The following GET3 variants were observed in gnomAD, a reference collection of about 807,000 sequenced individuals.
GET3 encodes ATPase GET3.
A neutral mutation model predicts 32.4 loss-of-function variants in GET3; 15 were observed. The observed-to-expected ratio is 0.46, with a 90% CI of 0.31 to 0.71. The LOEUF is 0.71. Among genes scored for constraint, GET3 ranks in the 30% least tolerant of loss-of-function variants. The pLI is 0.05. For missense variants in GET3, 333 were observed against 459.0 expected (o/e 0.73, Z 2.51); for synonymous variants, 198 against 185.6 (o/e 1.07, Z -0.54).
Position 12,747,337 on chromosome 19 carries a change from C to G in GET3, c.717+33C>G, listed in dbSNP as rs200739909. ...GTGGTCTGGCTGGCGGTGAGAGGCCCGGGGGCTGAGGACAGGGGCAGACCC... is the reference window on the plus strand; with the variant it reads ...GTGGTCTGGCTGGCGGTGAGAGGCCGGGGGGCTGAGGACAGGGGCAGACCC... On this transcript the variant is annotated intron_variant, in intron 5 of 6. Coordinates refer to ENST00000357332, the MANE Select transcript of GET3 (RefSeq NM_004317.4). This position sits in a 1 kb window ranked among gnomAD's most constrained non-coding sequence, Gnocchi z 4.0. The G allele has an allele frequency of 3.1e-6, 5 of 1,610,244 alleles. No homozygotes were observed. Among genetic ancestry groups the G allele is most frequent in the Non-Finnish European group, 4.2e-6 (5 of 1,177,098 alleles).
chr19:12,741,789 G>A (rs1568348454), intron 2 of GET3, among the ~76,000 whole-genome samples: 1 of 150,934 alleles, frequency 6.6e-6, no homozygotes, highest in African/African-American at 2.4e-5. Context: ...GCCTGGTGGT[G>A]GGCGCCTGTA....
intron 2 of GET3, among the ~76,000 whole-genome samples, chr19:12,744,415 G>A (rs1967732464): frequency 6.6e-6 from 1 of 150,984 alleles, no homozygotes; most frequent in African/African-American, 2.4e-5. Context: ...TGCCTCCCGG[G>A]TTCAAGCGAT....
chr19:12,748,037 G>C lies in GET3; in HGVS notation c.980G>C (p.Gly327Ala). Reference protein sequence around the residue: ...KLPLLPHEVRGADKVNTFSAL... With the variant: ...KLPLLPHEVRAADKVNTFSAL... ...CCGCTGTTACCCCATGAGGTGCGGG[G>C]GGCAGACAAGGTCAACACCTTCTCG... Residue 327 changes from glycine to alanine, a missense_variant, in exon 7 of 7, where the codon GGG becomes GCG. Gly to Ala is a moderately conservative substitution (Grantham distance 60). This residue lies in a region of GET3 where 39 missense variants were observed against 33.0 expected (regional missense o/e 1.18). Transcript: ENST00000357332. 1 of 1,612,230 alleles carries C rather than the reference G, an allele frequency of 6.2e-7. No homozygotes were observed. Among genetic ancestry groups the C allele is most frequent in the Non-Finnish European group, 8.5e-7 (1 of 1,178,736 alleles).
chr19:12,741,707 C>T (rs903461569), intron 2 of GET3, among the ~76,000 whole-genome samples: 5 of 151,370 alleles, frequency 3.3e-5, no homozygotes, highest in Non-Finnish European at 7.4e-5. Context: ...TGCAGTGAGC[C>T]GAGATCATGC....
rs758938561 is a variant in GET3, at chr19:12,745,651, G to C, written c.501G>C (p.Thr167=). ...GMNFSVVVFD[T]APTGHTLRLL... is the part of the protein sequence containing the mutation. The stretch of plus-strand genomic sequence containing the variant: ...ACTTCTCGGTGGTGGTATTTGACAC[G>C]GCACCCACGGGCCACACCCTGAGGC... Residue 167 remains threonine, a synonymous_variant, in exon 4 of 7, where the codon ACG becomes ACC. Coordinates refer to ENST00000357332, the MANE Select transcript of GET3 (RefSeq NM_004317.4). The surrounding 1 kb of genome is among the most constrained non-coding windows in gnomAD (Gnocchi z 5.0). 6.2e-7 allele frequency: 1 copy of C among 1,602,150 alleles called. No homozygotes were observed. The highest frequency in any genetic ancestry group is 8.5e-7 in the Non-Finnish European group (1 of 1,176,006).
In GET3 at chr19:12,747,457, G is replaced by C; in HGVS notation, c.780G>C (p.Arg260Ser). 1 of 1,614,038 alleles carries C rather than the reference G, an allele frequency of 6.2e-7. No individual in the cohort carries two copies. The highest frequency in any genetic ancestry group is 8.5e-7 in the Non-Finnish European group (1 of 1,180,012). Residue 260 changes from arginine (R) to serine (S), a missense_variant, in exon 6 of 7, where the codon AGG (arginine) becomes AGC (serine). This residue lies in a region of GET3 where 230 missense variants were observed against 389.2 expected (regional missense o/e 0.59). Transcript: ENST00000357332. The surrounding 1 kb of genome is among the most constrained non-coding windows in gnomAD (Gnocchi z 4.0). ...TCCTGTCCCTGTATGAGACAGAGAG[G>C]CTGATCCAGGAGCTGGCCAAGTGCA... The part of the protein sequence containing the change: ...AEFLSLYETE[R>S]LIQELAKCKI...
In GET3 at chr19:12,737,498, G is replaced by C. The variant is rs773942668; in HGVS notation, c.-8G>C. The C allele has an allele frequency of 7.8e-6, 12 of 1,535,392 alleles. No homozygotes were observed. The highest frequency in any genetic ancestry group is 1.1e-5 in the Non-Finnish European group (12 of 1,142,656). On this transcript the variant is annotated 5_prime_UTR_variant, in exon 1 of 7. Transcript: ENST00000357332. ...GCGCTCCGCTGGATCACGTGAGCCA[G>C]TTCCAAAATGGCGGCAGGGGTGGCC...
intron 2 of GET3, among the ~76,000 whole-genome samples, chr19:12,741,189 G>A (rs549782351): frequency 2.6e-5 from 4 of 152,340 alleles, no homozygotes. Flanking sequence ...GGGCATGGTG[G>A]CTCACGCCTG....
intron 2 of GET3, among the ~76,000 whole-genome samples, chr19:12,743,680 C>T (rs1429002263): frequency 2.1e-5 from 3 of 145,786 alleles, no homozygotes; most frequent in Non-Finnish European, 3.0e-5. Flanking sequence ...GTCCCAGCTA[C>T]TCACTGCACT....
intron 1 of GET3, among the ~76,000 whole-genome samples, chr19:12,737,912 G>C (rs1051196705): frequency 6.6e-6 from 1 of 152,156 alleles, no homozygotes; most frequent in Non-Finnish European, 1.5e-5. Flanking sequence ...CCCGGGGGAC[G>C]GGGAAGCACT....
Position 12,747,920 on chromosome 19 carries a change from C to A in GET3, c.916-53C>A. 1 of 1,520,148 alleles carries A rather than the reference C, an allele frequency of 6.6e-7. No individual in the cohort carries two copies. The highest frequency in any genetic ancestry group is 8.9e-7 in the Non-Finnish European group (1 of 1,121,612). 94.2% of individuals were successfully genotyped at this position (1,520,148 alleles called of 1,614,324 possible). A position where few individuals can be genotyped will look rare whatever the true frequency, so the allele number is the denominator to read the frequency against. The stretch of plus-strand genomic sequence containing the variant: ...CCGCTTCTATTGATCCACACTCTGT[C>A]TCTGCCTTCCTGCCCCCTGACCACT... On this transcript the variant is annotated intron_variant, in intron 6 of 6. Coordinates refer to ENST00000357332, the MANE Select transcript of GET3 (RefSeq NM_004317.4). The surrounding 1 kb of genome is among the most constrained non-coding windows in gnomAD (Gnocchi z 4.0).
In GET3 at chr19:12,745,769, G is replaced by T; in HGVS notation, c.609+10G>T. The T allele has an allele frequency of 1.3e-6, 2 of 1,597,078 alleles. No homozygotes were observed. The highest frequency in any genetic ancestry group is 1.7e-6 in the Non-Finnish European group (2 of 1,172,816). ...CCCTTTCATCTCACAGGCAGGCGGC[G>T]GGGGCCCCCACCTGCACCATCCAGG... On this transcript the variant is annotated intron_variant, in intron 4 of 6. Transcript: ENST00000357332. The surrounding 1 kb of genome is among the most constrained non-coding windows in gnomAD (Gnocchi z 5.0).
chr19:12,742,010 A>G (rs924854073), intron 2 of GET3, among the ~76,000 whole-genome samples: 5 of 152,244 alleles, frequency 3.3e-5, no homozygotes, highest in African/African-American at 1.2e-4. Context: ...CATACCTATC[A>G]TTTCAGTGCT....
rs1413391989 is a variant in GET3, at chr19:12,747,683, C to G, written c.915+91C>G. ...GCTCCACCATCTGGCCCTCTGCCCT[C>G]TAGCCTCCTGCCCTTTGCCCCCACA... On this transcript the variant is annotated intron_variant, in intron 6 of 6. Transcript: ENST00000357332. The surrounding 1 kb of genome is among the most constrained non-coding windows in gnomAD (Gnocchi z 4.0). The G allele has an allele frequency of 7.0e-7, 1 of 1,437,948 alleles. No homozygotes were observed. The highest frequency in any genetic ancestry group is 9.4e-7 in the Non-Finnish European group (1 of 1,062,070). The allele number at this position is 1,437,948 out of a possible 1,614,324, so 89.1% of individuals were successfully genotyped here.
Position 12,747,389 on chromosome 19 carries a change from C to G in GET3, c.718-6C>G. The stretch of plus-strand genomic sequence containing the variant: ...GCCCCTCACTGTCCTCTCTCGTGCC[C>G]TGTAGGAGCAGACAACTTTCATCTG... On this transcript the variant is annotated splice_polypyrimidine_tract_variant and splice_region_variant and intron_variant, in intron 5 of 6. Transcript: ENST00000357332. This position sits in a 1 kb window ranked among gnomAD's most constrained non-coding sequence, Gnocchi z 4.0. 6.2e-7 allele frequency: 1 copy of G among 1,614,176 alleles called. No homozygotes were observed. Among genetic ancestry groups the G allele is most frequent in the Non-Finnish European group, 8.5e-7 (1 of 1,180,004 alleles).
Position 12,748,186 on chromosome 19 carries a change from TCC to T in GET3, c.*88_*89del. 7.4e-7 allele frequency: 1 copy of T among 1,349,980 alleles called. No individual in the cohort carries two copies. The highest frequency in any genetic ancestry group is 9.8e-7 in the Non-Finnish European group (1 of 1,017,618). 83.6% of individuals were successfully genotyped at this position (1,349,980 alleles called of 1,614,324 possible). A position where few individuals can be genotyped will look rare whatever the true frequency, so the allele number is the denominator to read the frequency against. ...CCCTCGGGGCAGAGTTTGCACAAAGTCCCCCCCATAATACAGGGGGAGCCACT... is the reference window on the plus strand; with the variant it reads ...CCCTCGGGGCAGAGTTTGCACAAAGTCCCCCATAATACAGGGGGAGCCACT... On this transcript the variant is annotated 3_prime_UTR_variant, in exon 7 of 7. Transcript: ENST00000357332.
At chr19:12,741,748 C>T (rs1347982653) in intron 2 of GET3, among the ~76,000 whole-genome samples, 2 of 149,050 alleles carry the variant, frequency 1.3e-5, no homozygotes, top group Admixed American at 1.3e-4. Flanking sequence ...TACAGAGCGA[C>T]ACTCCATCTC....
rs1967762891 is a variant in GET3 at position 12,745,871 on chromosome 19, T to G, written c.609+112T>G. ...ACAATTCCCTTTCCTTCCCACCCCT[T>G]CTCACTCTGGACTTCTCCCTGGAGG... is the stretch of plus-strand genomic sequence containing the variant. On this transcript the variant is annotated intron_variant, in intron 4 of 6. Transcript: ENST00000357332. This position sits in a 1 kb window ranked among gnomAD's most constrained non-coding sequence, Gnocchi z 5.0. 1 of 1,380,874 alleles carries G rather than the reference T, an allele frequency of 7.2e-7. No homozygotes were observed. The highest frequency in any genetic ancestry group is 1.4e-5 in the South Asian group (1 of 69,928). The allele number at this position is 1,380,874 out of a possible 1,614,324, so 85.5% of individuals were successfully genotyped here. A position where few individuals can be genotyped will look rare whatever the true frequency, so the allele number is the denominator to read the frequency against.
intron 2 of GET3, among the ~76,000 whole-genome samples, chr19:12,743,902 T>A (rs943795890): frequency 6.9e-6 from 1 of 144,062 alleles, no homozygotes; most frequent in Non-Finnish European, 1.5e-5. Flanking sequence ...GCTAATTTTT[T>A]GTATTTTTAG....
Sources: allele counts gnomAD v4.1 joint callset (sites outside exome capture counted in the v4.1 genomes callset), GRCh38; gene constraint gnomAD v4.1.1; regional missense constraint gnomAD v4.1.1; non-coding constraint Gnocchi (gnomAD v3.1); transcripts MANE v1.5; gene names NCBI Gene and HGNC (gene_info 2026-07-23, HGNC 2026-07-21).